Variants in STOX2 observed in about 807,000 individuals in gnomAD.
STOX2 encodes the protein storkhead box 2.
Under a neutral mutation model 60.9 loss-of-function variants are expected in STOX2, and 28 were observed. The ratio of observed to expected loss-of-function variants is 0.46; its 90% CI spans 0.34 to 0.63. The LOEUF is 0.63. STOX2 is among the 30% of genes least tolerant of loss of function. The pLI, the probability that STOX2 is intolerant of heterozygous loss-of-function variation, is 0.01. For synonymous variants in STOX2, 472 were observed against 463.9 expected, an observed-to-expected ratio of 1.02 and a Z score of -0.22; for missense variants, 1,024 against 1,187.7, an observed-to-expected ratio of 0.86 and a Z score of 2.03.
At chr4:183,961,313 A>T (rs73002671) in intron 1 of STOX2, among the ~76,000 whole-genome samples, 4,857 of 152,304 alleles carry the variant, frequency 0.032, 273 homozygotes, top group African/African-American at 0.11. Flanking sequence ...AGCCTTTAAA[A>T]GCATAAACAA....
At chr4:183,835,368 C>T (rs763253663) in intron 1 of STOX2, among the ~76,000 whole-genome samples, 11 of 151,682 alleles carry the variant, frequency 7.3e-5, no homozygotes, top group African/African-American at 1.2e-4. Context: ...GGACTACAGG[C>T]GCCCACCACC....
At chr4:183,860,576 G>A (rs6852576) in intron 1 of STOX2, among the ~76,000 whole-genome samples, 143,701 of 152,208 alleles carry the variant, frequency 0.94, 67,967 homozygotes, top group Admixed American at 0.97. Context: ...AAAATGTATC[G>A]GGACTTGTAA....
chr4:183,813,730 A>G (rs9999018), intron 1 of STOX2, among the ~76,000 whole-genome samples: 45,934 of 152,120 alleles, frequency 0.3, 8,745 homozygotes, highest in African/African-American at 0.55. Flanking sequence ...TATAAGTATT[A>G]CATAAATATC....
At chr4:183,837,968 A>G (rs1739756696) in intron 1 of STOX2, among the ~76,000 whole-genome samples, 1 of 151,992 alleles carries the variant, frequency 6.6e-6, no homozygotes, top group Admixed American at 6.6e-5. Flanking sequence ...TTTTAGGAAA[A>G]TTTTACCTTG....
At position 183,856,671 on chromosome 4, in the gene STOX2, G is replaced by A. The variant is rs1473406453; in HGVS notation, c.364+58616G>A. Among the ~76,000 whole-genome samples, 1 of 152,156 alleles carries A rather than the reference G, an allele frequency of 6.6e-6. No homozygotes were observed. Among genetic ancestry groups the A allele is most frequent in the East Asian group, 1.9e-4 (1 of 5,198 alleles). On this transcript the variant is annotated intron_variant, in intron 1 of 2. Transcript: ENST00000513034. The surrounding 1 kb of genome is among the most constrained non-coding windows in gnomAD (Gnocchi z 4.0). Reference sequence around the variant, plus strand: ...TAGCTGTCTCGGACTCGGACCCCGGGGGATGATAGCTCCCTTGCCCAAGAA... The same window carrying A: ...TAGCTGTCTCGGACTCGGACCCCGGAGGATGATAGCTCCCTTGCCCAAGAA...
At chr4:183,871,998 A>T (rs924018116) in intron 1 of STOX2, among the ~76,000 whole-genome samples, 2 of 152,136 alleles carry the variant, frequency 1.3e-5, no homozygotes, top group Non-Finnish European at 2.9e-5. Flanking sequence ...TGCAGGTATT[A>T]AAAAAACCCT....
Position 184,019,859 on chromosome 4 carries a change from C to A in STOX2, c.*2575C>A, listed in dbSNP as rs1734507105. ...TCATTCGAGGTCACGGTGAGGCTCT[C>A]GGTCCCGGAACAGTGGGGGCCTCGC... On this transcript the variant is annotated 3_prime_UTR_variant, in exon 4 of 4. Coordinates refer to ENST00000308497, the MANE Select transcript of STOX2 (RefSeq NM_020225.3). The A allele has an allele frequency of 1.3e-5, 2 of 152,300 alleles. No individual in the cohort carries two copies. Among genetic ancestry groups the A allele is most frequent in the Admixed American group, 6.5e-5 (1 of 15,300 alleles). 9.4% of individuals were successfully genotyped at this position (152,300 alleles called of 1,614,324 possible). A position where few individuals can be genotyped will look rare whatever the true frequency, so the allele number is the denominator to read the frequency against.
chr4:183,919,557 G>A (rs973778991), intron 1 of STOX2, among the ~76,000 whole-genome samples: 3 of 152,154 alleles, frequency 2.0e-5, no homozygotes, highest in African/African-American at 4.8e-5. Context: ...TATGGAAAAG[G>A]GGCCTCTTTA....
At chr4:183,928,282 C>T (rs762815529) in intron 1 of STOX2, among the ~76,000 whole-genome samples, 15 of 152,086 alleles carry the variant, frequency 9.9e-5, no homozygotes, top group Non-Finnish European at 2.1e-4. Flanking sequence ...CAGAGCTGCC[C>T]ACGAAATGCT....
At chr4:183,937,502 G>T (rs915894658) in intron 1 of STOX2, among the ~76,000 whole-genome samples, 2 of 152,172 alleles carry the variant, frequency 1.3e-5, no homozygotes, top group Admixed American at 6.5e-5. Flanking sequence ...TTTTAGAGCT[G>T]CTCAGAGTGG....
At chr4:183,851,292 A>AAAGGATGAGG (rs1740126921) in intron 1 of STOX2, among the ~76,000 whole-genome samples, 1 of 25,366 alleles carries the variant, frequency 3.9e-5, no homozygotes, top group African/African-American at 1.4e-4. Flanking sequence ...AAAGGATGAG[A>AAAGGATGAGG]GAAAGGATGA....
At chr4:183,946,779 C>CCAGA (rs1342031404) in intron 1 of STOX2, among the ~76,000 whole-genome samples, 43 of 152,190 alleles carry the variant, frequency 2.8e-4, no homozygotes, top group African/African-American at 9.9e-4. Context: ...GTGCGTGCCA[C>CCAGA]CACATCCAGC....
rs145657738 is a variant in STOX2, at chr4:183,856,818, T to A, written c.364+58763T>A. Among the ~76,000 whole-genome samples the A allele has an allele frequency of 1.9e-3, 288 of 152,358 alleles. No individual in the cohort carries two copies. Among genetic ancestry groups the A allele is most frequent in the African/African-American group, 6.1e-3 (254 of 41,584 alleles). On this transcript the variant is annotated intron_variant, in intron 1 of 2. Coordinates refer to the STOX2 transcript ENST00000513034. The surrounding 1 kb of genome is among the most constrained non-coding windows in gnomAD (Gnocchi z 4.0). ...CTGCATATATATTAATGTGTGTAGC[T>A]TTATTTTTTTTGACACTTACCCTAT... is the stretch of plus-strand genomic sequence containing the variant.
intron 1 of STOX2, among the ~76,000 whole-genome samples, chr4:183,975,859 T>A (rs1037264781): frequency 6.6e-6 from 1 of 152,162 alleles, no homozygotes. Flanking sequence ...CCAGACAAAG[T>A]TAGTACAGTA....
intron 1 of STOX2, among the ~76,000 whole-genome samples, chr4:183,995,852 C>A (rs1193837863): frequency 6.6e-6 from 1 of 152,204 alleles, no homozygotes; most frequent in Admixed American, 6.5e-5. Context: ...AGTCTCAGCT[C>A]CCCGGGCTGC....
At chr4:183,974,228 G>T (rs1732360453) in intron 1 of STOX2, among the ~76,000 whole-genome samples, 1 of 151,820 alleles carries the variant, frequency 6.6e-6, no homozygotes, top group African/African-American at 2.4e-5. Context: ...CCATACAAAG[G>T]AATACAGTAA....
At chr4:183,951,402 A>ATAT (rs1462295186) in intron 1 of STOX2, among the ~76,000 whole-genome samples, 8 of 146,530 alleles carry the variant, frequency 5.5e-5, no homozygotes, top group African/African-American at 2.0e-4. Flanking sequence ...CTGTTCATAG[A>ATAT]TATTTTCATC....
chr4:183,802,426 G>A (rs1217563377), intron 1 of STOX2, among the ~76,000 whole-genome samples: 1 of 152,132 alleles, frequency 6.6e-6, no homozygotes, highest in Non-Finnish European at 1.5e-5. Context: ...CCAGGCTGGA[G>A]TGCAGTGGCA....
intron 1 of STOX2, among the ~76,000 whole-genome samples, chr4:183,991,232 T>A (rs1733091635): frequency 6.6e-6 from 1 of 152,218 alleles, no homozygotes; most frequent in Non-Finnish European, 1.5e-5. Flanking sequence ...AAATGCTATG[T>A]GTTCTATATA....
Sources: gnomAD v4.1 joint callset for allele counts (sites outside exome capture counted in the v4.1 genomes callset) on GRCh38, gnomAD v4.1.1 for gene constraint, Gnocchi (gnomAD v3.1) non-coding constraint, MANE v1.5 for transcripts, NCBI Gene and HGNC (gene_info 2026-07-23, HGNC 2026-07-21) for gene names.